The following SEL1L3 variants were observed in gnomAD, a reference collection of about 807,000 sequenced individuals.
SEL1L3 encodes the protein protein sel-1 homolog 3.
Under a neutral mutation model 142.8 loss-of-function variants are expected in SEL1L3, and 76 were observed. That is an observed-to-expected ratio of 0.53 (90% CI 0.44 to 0.64). The LOEUF is 0.64. SEL1L3 is among the 30% of genes least tolerant of loss of function. The probability of loss-of-function intolerance (pLI) is 0.00; values close to 1 mark genes in which losing one functional copy is unlikely to be tolerated. For synonymous variants in SEL1L3, 504 were observed against 519.6 expected (o/e 0.97, Z 0.41); for missense variants, 1,262 against 1,381.7 (o/e 0.91, Z 1.37).
intron 1 of SEL1L3, chr4:25,862,250 TG>T (rs1034786713): frequency 2.5e-5 from 3 of 119,636 alleles, no homozygotes; most frequent in African/African-American, 9.6e-5. Flanking sequence ...GAGGCGAAGT[TG>T]GGCACGGGAA....
chr4:25,792,012 G>C (rs893278037), intron 11 of SEL1L3, among the ~76,000 whole-genome samples: 1 of 151,992 alleles, frequency 6.6e-6, no homozygotes, highest in Non-Finnish European at 1.5e-5. Context: ...CGTGAAGCCA[G>C]GGGTCCTTTC....
rs74855588 is a variant in SEL1L3, at chr4:25,833,080, T to C, written c.1013A>G (p.Lys338Arg). Residue 338 changes from lysine (K) to arginine (R), a missense_variant, in exon 5 of 24, where the codon AAA (lysine) becomes AGA (arginine). Transcript: ENST00000399878. ...AGTTTTTACAGCAAGGTCTTCCCCT[T>C]TGACAAGATGCATCTGAATATGCAA... ...GYLHIQMHLV[K>R]GEDLAVKTKF... is the part of the protein sequence containing the mutation. 13 of 1,610,536 alleles carry C rather than the reference T, an allele frequency of 8.1e-6. No homozygotes were observed. Among genetic ancestry groups the C allele is most frequent in the African/African-American group, 1.3e-5 (1 of 74,858 alleles).
chr4:25,855,749 A>C (rs1208145572), intron 1 of SEL1L3, among the ~76,000 whole-genome samples: 1 of 151,758 alleles, frequency 6.6e-6, no homozygotes, highest in Non-Finnish European at 1.5e-5. Context: ...CAACAGAGCG[A>C]GATTCCGTCT....
chr4:25,761,118 C>T (rs1383108160), intron 20 of SEL1L3, among the ~76,000 whole-genome samples: 1 of 152,146 alleles, frequency 6.6e-6, no homozygotes, highest in Non-Finnish European at 1.5e-5. Flanking sequence ...ACTATTTCTG[C>T]ACTCTTTGAA....
intron 3 of SEL1L3, among the ~76,000 whole-genome samples, chr4:25,834,491 C>A (rs1164488486): frequency 6.6e-6 from 1 of 152,228 alleles, no homozygotes; most frequent in Non-Finnish European, 1.5e-5. Flanking sequence ...AGGTTCTTTG[C>A]AGATACACAC....
At chr4:25,843,732 C>A (rs529271754) in intron 2 of SEL1L3, among the ~76,000 whole-genome samples, 1 of 152,362 alleles carries the variant, frequency 6.6e-6, no homozygotes, top group African/African-American at 2.4e-5. Context: ...CACGTGTTCC[C>A]AATGGCTACC....
chr4:25,723,201 C>T, the SEL1L3 span, among the ~76,000 whole-genome samples: 6 of 152,156 alleles, frequency 3.9e-5, no homozygotes, highest in African/African-American at 1.4e-4. Flanking sequence ...AAAGGTTATG[C>T]CCTTATCTTT....
At position 25,818,149 on chromosome 4, in the gene SEL1L3, T is replaced by C. The variant is rs370020662; in HGVS notation, c.1553A>G (p.Asp518Gly). 4.3e-6 allele frequency: 7 copies of C among 1,611,504 alleles called. No homozygotes were observed. Among genetic ancestry groups the C allele is most frequent in the African/African-American group, 1.3e-5 (1 of 74,892 alleles). Residue 518 changes from aspartate to glycine, a missense_variant, in exon 9 of 24, where the codon GAT (aspartate) becomes GGT (glycine). Physicochemically the swap from Asp to Gly is moderately conservative, Grantham distance 94. Coordinates refer to ENST00000399878, the MANE Select transcript of SEL1L3 (RefSeq NM_015187.5). The stretch of plus-strand genomic sequence containing the variant: ...AAAGACTCAATTACCGGTCAGCAGA[T>C]CCATCTCCAGCAATGCCTGGAACAA... ...PSLFQALLEM[D>G]LLTVPRNQNE...
intron 17 of SEL1L3, among the ~76,000 whole-genome samples, chr4:25,770,739 C>CA (rs57317400): frequency 0.043 from 4,136 of 97,128 alleles, 191 homozygotes; most frequent in African/African-American, 0.14. Flanking sequence ...GACTCTGTCT[C>CA]AAAAAAAAAA....
At chr4:25,750,930 G>A (rs1717552438) in intron 23 of SEL1L3, among the ~76,000 whole-genome samples, 1 of 152,228 alleles carries the variant, frequency 6.6e-6, no homozygotes, top group South Asian at 2.1e-4. Flanking sequence ...ACGTTACCTA[G>A]TTGTACCGAG....
chr4:25,801,361 C>T (rs1207914206), intron 11 of SEL1L3, among the ~76,000 whole-genome samples: 3 of 152,198 alleles, frequency 2.0e-5, no homozygotes, highest in Non-Finnish European at 2.9e-5. Flanking sequence ...CAAGATTGCG[C>T]CACTGCCTTC....
At chr4:25,835,867 G>C (rs1377385152) in intron 2 of SEL1L3, among the ~76,000 whole-genome samples, 1 of 152,146 alleles carries the variant, frequency 6.6e-6, no homozygotes, top group Non-Finnish European at 1.5e-5. Flanking sequence ...GTGTACACCG[G>C]CAATATGCTA....
the SEL1L3 span, among the ~76,000 whole-genome samples, chr4:25,722,623 GC>G: frequency 0.14 from 16,953 of 125,028 alleles, 1,271 homozygotes; most frequent in Middle Eastern, 0.18. Context: ...TCCAAAGGAG[GC>G]TTTTTTTTTT....
chr4:25,774,546 A>G (rs1719470624), intron 17 of SEL1L3, among the ~76,000 whole-genome samples: 1 of 152,230 alleles, frequency 6.6e-6, no homozygotes, highest in African/African-American at 2.4e-5. Flanking sequence ...ACAATATGCT[A>G]AAGTGCTTTG....
At chr4:25,771,109 G>A (rs1287177024) in intron 17 of SEL1L3, among the ~76,000 whole-genome samples, 2 of 152,236 alleles carry the variant, frequency 1.3e-5, no homozygotes, top group East Asian at 3.8e-4. Context: ...GACGCTATCT[G>A]AAAGTATTAA....
At chr4:25,758,824 G>GT (rs1718177326) in intron 21 of SEL1L3, 117 bp downstream of exon 21, 2 of 1,174,252 alleles carry the variant, frequency 1.7e-6, no homozygotes, top group East Asian at 2.5e-5. Context: ...TTTTGTTTTT[G>GT]TTTTTTAAAT....
At chr4:25,817,522 T>C (rs1577651378) in intron 9 of SEL1L3, among the ~76,000 whole-genome samples, 1 of 152,244 alleles carries the variant, frequency 6.6e-6, no homozygotes, top group Non-Finnish European at 1.5e-5. Context: ...GGGAAGTTTA[T>C]GCAGATTCCT....
chr4:25,755,854 T>C, intron 23 of SEL1L3: 1 of 982,126 alleles, frequency 1.0e-6, no homozygotes, highest in Non-Finnish European at 1.2e-6. Context: ...AGAGTAAAAA[T>C]GACAAAGACA....
rs1397746398 is a variant in SEL1L3 at position 25,842,721 on chromosome 4, TCAATCAACAAG to T, written c.733+4562_733+4572del. On this transcript the variant is annotated intron_variant, in intron 2 of 23. Coordinates refer to ENST00000399878, the MANE Select transcript of SEL1L3 (RefSeq NM_015187.5). ...TTCCCTCTTGGTTAAGAGCATTCAT[TCAATCAACAAG>T]TAGTCATGAGTGCAGGGGCCTATGA... is the stretch of plus-strand genomic sequence containing the variant. Among the ~76,000 whole-genome samples the T allele has an allele frequency of 2.6e-5, 4 of 152,236 alleles. No homozygotes were observed. In the East Asian group the frequency reaches 7.7e-4, roughly 29 times the overall value.
Sources: gnomAD v4.1 joint callset for allele counts (sites outside exome capture counted in the v4.1 genomes callset) on GRCh38, gnomAD v4.1.1 for gene constraint, MANE v1.5 for transcripts, NCBI Gene and HGNC (gene_info 2026-07-23, HGNC 2026-07-21) for gene names.